EMILIN1: variants seen among roughly 807,000 people sequenced by gnomAD.
EMILIN1 encodes EMILIN-1.
A neutral mutation model predicts 82.4 loss-of-function variants in EMILIN1; 49 were observed. The ratio of observed to expected loss-of-function variants is 0.59; its 90% CI spans 0.47 to 0.75. The LOEUF (loss-of-function observed/expected upper bound fraction) is 0.75. EMILIN1 is among the 30% of genes least tolerant of loss of function. The probability of loss-of-function intolerance (pLI) is 0.00; values close to 1 mark genes in which losing one functional copy is unlikely to be tolerated. For synonymous variants in EMILIN1, 604 were observed against 602.2 expected (o/e 1.00, Z -0.04); for missense variants, 1,313 against 1,366.4 (o/e 0.96, Z 0.62).
chr2:27,079,054 G>T lies in EMILIN1; in HGVS notation c.-12G>T, dbSNP rs763308174. On this transcript the variant is annotated 5_prime_UTR_variant, in exon 1 of 8. Transcript: ENST00000380320. The stretch of plus-strand genomic sequence containing the variant: ...GGATGAGTCTCTGAGGGCCACTGTG[G>T]AGCGCCCCGCCATGGCCCCCCGCAC... The T allele has an allele frequency of 4.5e-6, 7 of 1,539,788 alleles. No homozygotes were observed. In the African/African-American group the frequency reaches 8.6e-5, roughly 19 times the overall value.
At chr2:27,084,172 T>C (rs1445267315) in intron 4 of EMILIN1, 161 bp downstream of exon 4, 3 of 898,266 alleles carry the variant, frequency 3.3e-6, no homozygotes, top group Non-Finnish European at 4.9e-6. Flanking sequence ...CTGCAAGAGA[T>C]GATGCAAGGT....
chr2:27,079,090 T>G lies in EMILIN1; in HGVS notation c.25T>G (p.Cys9Gly). The G allele has an allele frequency of 2.5e-6, 4 of 1,604,492 alleles. No homozygotes were observed. The highest frequency in any genetic ancestry group is 3.4e-6 in the Non-Finnish European group (4 of 1,176,218). MAPRTLWS[C>G]YLCCLLTAAA... ...CATGGCCCCCCGCACCCTCTGGAGC[T>G]GCTACCTCTGCTGCCTGCTGACGGC... Residue 9 changes from cysteine to glycine, a missense_variant, in exon 1 of 8, where the codon TGC becomes GGC. Coordinates refer to ENST00000380320, the MANE Select transcript of EMILIN1 (RefSeq NM_007046.4).
rs199823475 is a variant in EMILIN1, at chr2:27,082,384, T to C, written c.813T>C (p.Ser271=). The C allele has an allele frequency of 2.5e-6, 4 of 1,610,132 alleles. No homozygotes were observed. The East Asian group carries it at 6.7e-5, about 27-fold the overall frequency. Residue 271 remains serine, a synonymous_variant, in exon 4 of 8, where the codon AGT becomes AGC. Transcript: ENST00000380320. ...LNNHHGGSSS[S]GGSRAPAPAS... ...ACCATCATGGCGGCAGCAGCAGCAG[T>C]GGGGGCAGCAGGGCCCCAGCCCCAG... is the stretch of plus-strand genomic sequence containing the variant.
At position 27,083,834 on chromosome 2, in the gene EMILIN1, G is replaced by A. The variant is rs140235524; in HGVS notation, c.2263G>A (p.Val755Met). The A allele has an allele frequency of 1.3e-4, 208 of 1,600,550 alleles. No homozygotes were observed. In the African/African-American group the frequency reaches 2.4e-3, roughly 19 times the overall value. ...QGLREGLSRHVAGLWAGLRET... is the reference protein window; with the variant it reads ...QGLREGLSRHMAGLWAGLRET... Reference sequence around the variant, plus strand: ...CCTGCGCGAGGGCCTTTCCAGACACGTGGCTGGGCTCTGGGCTGGGCTCCG... The same window carrying A: ...CCTGCGCGAGGGCCTTTCCAGACACATGGCTGGGCTCTGGGCTGGGCTCCG... The change falls in exon 4 of 8, where the codon GTG becomes ATG. Residue 755 changes from valine to methionine, a missense_variant. By Grantham distance (21) the Val-to-Met change is conservative (BLOSUM62 1). Transcript: ENST00000380320.
In EMILIN1 at chr2:27,083,632, T is replaced by C. The variant is rs1004421910; in HGVS notation, c.2061T>C (p.Ser687=). 6.2e-7 allele frequency: 1 copy of C among 1,612,398 alleles called. No individual in the cohort carries two copies. The highest frequency in any genetic ancestry group is 1.3e-5 in the African/African-American group (1 of 74,912). Residue 687 remains serine, a synonymous_variant, in exon 4 of 8, where the codon TCT becomes TCC. Transcript: ENST00000380320. ...GGGCAACCAAGGACCGTATCATTTC[T>C]GAGATTAACAGGCTGCAGCAGGAGG... is the stretch of plus-strand genomic sequence containing the variant. ...DLGATKDRII[S]EINRLQQEAT...
In EMILIN1 at chr2:27,082,917, T is replaced by C; in HGVS notation, c.1346T>C (p.Leu449Ser). 6.5e-7 allele frequency: 1 copy of C among 1,533,628 alleles called. No homozygotes were observed. The highest frequency in any genetic ancestry group is 8.8e-7 in the Non-Finnish European group (1 of 1,138,594). Residue 449 changes from leucine to serine, a missense_variant, in exon 4 of 8, where the codon TTG (leucine) becomes TCG (serine). Coordinates refer to ENST00000380320, the MANE Select transcript of EMILIN1 (RefSeq NM_007046.4). The part of the protein sequence containing the change: ...LPAARGRLEQ[L>S]GGLLANVSGE... ...GCTGCCCGGGGCCGACTAGAGCAGT[T>C]GGGGGGGCTGCTGGCCAATGTGAGC...
At chr2:27,081,031 TG>T in intron 3 of EMILIN1, 79 bp downstream of exon 3, 2 of 1,141,948 alleles carry the variant, frequency 1.8e-6, no homozygotes, top group South Asian at 3.0e-5. Flanking sequence ...GCCAGGCTGC[TG>T]GGGGAGTCCC....
In EMILIN1 at chr2:27,086,228, G is replaced by T. The variant is rs1272351590; in HGVS notation, c.*213G>T. 5.3e-6 allele frequency: 2 copies of T among 379,710 alleles called. No homozygotes were observed. The highest frequency in any genetic ancestry group is 9.3e-6 in the Non-Finnish European group (2 of 215,460). 23.5% of individuals were successfully genotyped at this position (379,710 alleles called of 1,614,324 possible). A position where few individuals can be genotyped will look rare whatever the true frequency, so the allele number is the denominator to read the frequency against. On this transcript the variant is annotated 3_prime_UTR_variant, in exon 8 of 8. Transcript: ENST00000380320. ...CCCATGCAGACTTTTGGCCTGGCGC[G>T]ATCCCCCAAGAACCCCTCCAGGGCC...
intron 3 of EMILIN1, among the ~76,000 whole-genome samples, 156 bp downstream of exon 3, chr2:27,081,108 C>CGTGT (rs56048649): frequency 0.13 from 18,007 of 142,478 alleles, 1,168 homozygotes; most frequent in Non-Finnish European, 0.15. Context: ...ATTCCCTGCC[C>CGTGT]GTGTGTGTGT....
rs762055656 is a variant in EMILIN1 at position 27,084,515 on chromosome 2, C to T, written c.2541C>T (p.Gly847=). The change falls in exon 5 of 8, where the codon GGC becomes GGT. Residue 847 remains glycine (G), a synonymous_variant. Transcript: ENST00000380320. ...CACCAGGCAAGGACGGGCAAGAGGG[C>T]CCCATCGGGCCACCAGGTATGTGCA... ...PGSPGKDGQE[G]PIGPPGPQGE... The T allele has an allele frequency of 6.2e-7, 1 of 1,610,082 alleles. No individual in the cohort carries two copies. The highest frequency in any genetic ancestry group is 1.1e-5 in the South Asian group (1 of 91,014).
At position 27,085,721 on chromosome 2, in the gene EMILIN1, G is replaced by C. The variant is rs750683135; in HGVS notation, c.2757G>C (p.Ala919=). ...APLAGRYLLS[A]VLTGHRHEKV... is the part of the protein sequence containing the mutation. ...TGGCTGGACGCTACTTGCTGAGCGC[G>C]GTGCTGACTGGGCACCGGCACGAGA... The change falls in exon 8 of 8, where the codon GCG becomes GCC. Residue 919 remains alanine (A), a synonymous_variant. Transcript: ENST00000380320. 9.3e-6 allele frequency: 15 copies of C among 1,606,910 alleles called. No individual in the cohort carries two copies. The highest frequency in any genetic ancestry group is 1.3e-5 in the African/African-American group (1 of 74,824).
intron 1 of EMILIN1, 126 bp from the exon 2 acceptor site, chr2:27,080,024 CT>C (rs1204317007): frequency 4.6e-6 from 5 of 1,076,402 alleles, no homozygotes; most frequent in Non-Finnish European, 6.7e-6. Context: ...TGCCAAAGCC[CT>C]TGCTCTCACT....
chr2:27,085,799 C>G lies in EMILIN1; in HGVS notation c.2835C>G (p.Ser945=). 1.9e-6 allele frequency: 3 copies of G among 1,612,598 alleles called. No homozygotes were observed. Among genetic ancestry groups the G allele is most frequent in the Non-Finnish European group, 2.5e-6 (3 of 1,179,804 alleles). ...ACCAGGGCGTGGCCCGCGTAGACTC[C>G]GGTGGCTACGAGCCTGAGGGCCTGG... The part of the protein sequence containing the change: ...RSNQGVARVD[S]GGYEPEGLEN... Residue 945 remains serine (S), a synonymous_variant, in exon 8 of 8, where the codon TCC becomes TCG. Transcript: ENST00000380320.
At position 27,078,849 on chromosome 2, in the gene EMILIN1, A is replaced by T; in HGVS notation, c.-217A>T. 1 of 479,692 alleles carries T rather than the reference A, an allele frequency of 2.1e-6. No homozygotes were observed. Among genetic ancestry groups the T allele is most frequent in the Non-Finnish European group, 3.7e-6 (1 of 272,906 alleles). The allele number at this position is 479,692 out of a possible 1,614,324, so 29.7% of individuals were successfully genotyped here. ...GTGAAGAGGAGAGCGGAAGGAACCGAGAGGGGACGGACAGGAGCTGAGGAG... is the reference window on the plus strand; with the variant it reads ...GTGAAGAGGAGAGCGGAAGGAACCGTGAGGGGACGGACAGGAGCTGAGGAG... On this transcript the variant is annotated 5_prime_UTR_variant, in exon 1 of 8. Transcript: ENST00000380320.
At chr2:27,079,953 T>C (rs114073378) in intron 1 of EMILIN1, among the ~76,000 whole-genome samples, 198 bp from the exon 2 acceptor site, 150 of 152,358 alleles carry the variant, frequency 9.8e-4, no homozygotes, top group African/African-American at 3.3e-3. Flanking sequence ...TCTCCCCATC[T>C]TGAAAAGTCT....
chr2:27,082,421 C>G lies in EMILIN1; in HGVS notation c.850C>G (p.Pro284Ala). 2 of 1,603,608 alleles carry G rather than the reference C, an allele frequency of 1.2e-6. No individual in the cohort carries two copies. Among genetic ancestry groups the G allele is most frequent in the Non-Finnish European group, 1.7e-6 (2 of 1,176,970 alleles). ...SRAPAPASAP[P>A]GPSEELLRQL... ...GGCCCCAGCCCCAGCCTCAGCCCCT[C>G]CGGGCCCCAGTGAGGAGCTGCTGCG... The change falls in exon 4 of 8, where the codon CCG (proline) becomes GCG (alanine). Residue 284 changes from proline (P) to alanine (A), a missense_variant. Physicochemically the swap from Pro to Ala is conservative, Grantham distance 27. Transcript: ENST00000380320.
rs1305884254 is a variant in EMILIN1 at position 27,085,180 on chromosome 2, G to A, written c.2596G>A (p.Ala866Thr). The part of the protein sequence containing the change: ...GEQGVEGAPA[A>T]PVPQVAFSAA... Reference sequence around the variant, plus strand: ...CTCAGGAGTGGAGGGGGCACCAGCAGCCCCTGTGCCCCAAGTGGCATTTTC... The same window carrying A: ...CTCAGGAGTGGAGGGGGCACCAGCAACCCCTGTGCCCCAAGTGGCATTTTC... Residue 866 changes from alanine to threonine, a missense_variant, in exon 7 of 8, where the codon GCC (alanine) becomes ACC (threonine). Coordinates refer to ENST00000380320, the MANE Select transcript of EMILIN1 (RefSeq NM_007046.4). The A allele has an allele frequency of 1.9e-6, 3 of 1,614,086 alleles. No individual in the cohort carries two copies. The highest frequency in any genetic ancestry group is 2.5e-6 in the Non-Finnish European group (3 of 1,180,038).
At chr2:27,080,012 G>A (rs1162163306) in intron 1 of EMILIN1, 139 bp from the exon 2 acceptor site, 14 of 896,536 alleles carry the variant, frequency 1.6e-5, no homozygotes, top group Admixed American at 2.8e-5. Flanking sequence ...GGAGGGTGGC[G>A]ATGCCAAAGC....
intron 2 of EMILIN1, 22 bp downstream of exon 2, chr2:27,080,292 C>T (rs375793352): frequency 1.1e-5 from 18 of 1,612,254 alleles, no homozygotes; most frequent in Non-Finnish European, 1.4e-5. Context: ...GGCCGGGCAA[C>T]GGGCCCTTGG....
Sources: allele counts gnomAD v4.1 joint callset (sites outside exome capture counted in the v4.1 genomes callset), GRCh38; gene constraint gnomAD v4.1.1; transcripts MANE v1.5; gene names NCBI Gene and HGNC (gene_info 2026-07-23, HGNC 2026-07-21).